The following PLXNA4 variants were observed in gnomAD, a reference collection of about 807,000 sequenced individuals.
The protein encoded by PLXNA4 is plexin-A4.
A neutral mutation model predicts 191.8 loss-of-function variants in PLXNA4; 44 were observed. That is an observed-to-expected ratio of 0.23 (90% CI 0.18 to 0.29). The LOEUF (loss-of-function observed/expected upper bound fraction) is 0.29. Ranked by LOEUF, PLXNA4 falls within the 10% of genes least tolerant of loss-of-function variation. The probability of loss-of-function intolerance (pLI) is 1.00; values close to 1 mark genes in which losing one functional copy is unlikely to be tolerated. For missense variants in PLXNA4, 1,800 were observed against 2,488.8 expected (o/e 0.72, Z 5.89); for synonymous variants, 1,082 against 1,009.5 (o/e 1.07, Z -1.36).
chr7:132,459,166 G>C (rs1220792688), intron 3 of PLXNA4, among the ~76,000 whole-genome samples: 2 of 152,278 alleles, frequency 1.3e-5, no homozygotes, highest in East Asian at 1.9e-4. Flanking sequence ...TGGACCCTTT[G>C]GGCTGCTGTC....
At chr7:132,384,296 C>A in intron 3 of PLXNA4, 1 of 985,460 alleles carries the variant, frequency 1.0e-6, no homozygotes, top group Non-Finnish European at 1.2e-6. Flanking sequence ...TAGCACCAGT[C>A]GCTAATTTTA....
intron 3 of PLXNA4, chr7:132,384,471 A>G: frequency 1.0e-6 from 1 of 985,774 alleles, no homozygotes. Context: ...GTGGCCATGC[A>G]GGAGACACTG....
intron 22 of PLXNA4, among the ~76,000 whole-genome samples, chr7:132,165,847 C>G (rs963678691): frequency 6.6e-6 from 1 of 152,136 alleles, no homozygotes; most frequent in Non-Finnish European, 1.5e-5. Flanking sequence ...GCTAAAGGCT[C>G]CCAGCATTCG....
At chr7:132,537,668 A>G (rs553105306) in intron 1 of PLXNA4, among the ~76,000 whole-genome samples, 16 of 152,322 alleles carry the variant, frequency 1.1e-4, no homozygotes, top group Admixed American at 9.8e-4. Context: ...ACTGTGCTGC[A>G]TGGAAGTGGG....
intron 4 of PLXNA4, among the ~76,000 whole-genome samples, chr7:132,254,356 A>C (rs1175467105): frequency 1.3e-5 from 2 of 152,200 alleles, no homozygotes; most frequent in African/African-American, 4.8e-5. Context: ...GGCCATTTCT[A>C]TCTATCATTA....
intron 3 of PLXNA4, among the ~76,000 whole-genome samples, chr7:132,402,388 G>A (rs144042200): frequency 2.0e-5 from 3 of 152,270 alleles, no homozygotes; most frequent in East Asian, 3.9e-4. Context: ...CCACCCTAGC[G>A]AGGCACAGGG....
intron 2 of PLXNA4, among the ~76,000 whole-genome samples, chr7:132,634,229 G>A (rs869320): frequency 0.39 from 58,857 of 151,902 alleles, 12,017 homozygotes; most frequent in African/African-American, 0.42. Flanking sequence ...TGAGGTTCCC[G>A]GGTAGAGGAT....
At chr7:132,257,876 G>T (rs577460410) in intron 4 of PLXNA4, among the ~76,000 whole-genome samples, 6 of 152,350 alleles carry the variant, frequency 3.9e-5, no homozygotes, top group Admixed American at 6.5e-5. Flanking sequence ...GGAATTGGAA[G>T]GGTCCCTCTC....
chr7:132,440,036 G>T (rs1321423412), intron 3 of PLXNA4, among the ~76,000 whole-genome samples: 1 of 151,628 alleles, frequency 6.6e-6, no homozygotes, highest in Middle Eastern at 3.2e-3. Flanking sequence ...GATCTGTGTG[G>T]GCTTGTGCCA....
chr7:132,281,163 G>C (rs1800464497), intron 4 of PLXNA4, among the ~76,000 whole-genome samples: 1 of 152,168 alleles, frequency 6.6e-6, no homozygotes, highest in African/African-American at 2.4e-5. Flanking sequence ...TTAGCACTTA[G>C]TGATACAAGG....
intron 3 of PLXNA4, among the ~76,000 whole-genome samples, chr7:132,336,604 G>A (rs752076553): frequency 3.3e-5 from 5 of 152,148 alleles, no homozygotes; most frequent in Non-Finnish European, 5.9e-5. Flanking sequence ...TGTGCTAGGT[G>A]CTTGGTTCCA....
chr7:132,320,317 G>A (rs1290488301), intron 3 of PLXNA4, among the ~76,000 whole-genome samples: 2 of 152,182 alleles, frequency 1.3e-5, no homozygotes, highest in Non-Finnish European at 2.9e-5. Flanking sequence ...AGTGCTTGCT[G>A]TTCCTTGGCT....
chr7:132,583,082 C>T (rs762581982), intron 2 of PLXNA4, among the ~76,000 whole-genome samples: 2 of 152,202 alleles, frequency 1.3e-5, no homozygotes, highest in African/African-American at 4.8e-5. Context: ...GATGGGCCAT[C>T]GTCAGTTCAG....
intron 2 of PLXNA4, among the ~76,000 whole-genome samples, chr7:132,599,078 A>C (rs1802769561): frequency 6.6e-6 from 1 of 152,140 alleles, no homozygotes; most frequent in African/African-American, 2.4e-5. Flanking sequence ...TTTGCTCCCT[A>C]TACTGACTCT....
intron 12 of PLXNA4, 62 bp downstream of exon 12, chr7:132,202,584 A>G: frequency 7.3e-7 from 1 of 1,368,748 alleles, no homozygotes; most frequent in Non-Finnish European, 9.5e-7. Flanking sequence ...GAGTTTCCAC[A>G]GGGTGTGGCA....
intron 3 of PLXNA4, chr7:132,484,832 G>A (rs1306137169): frequency 3.7e-6 from 6 of 1,613,950 alleles, no homozygotes; most frequent in East Asian, 2.2e-5. Context: ...AGAATTCCCA[G>A]GTACATTTAG....
chr7:132,176,620 G>GACTGCA (rs1489521165), intron 20 of PLXNA4, among the ~76,000 whole-genome samples: 1 of 83,912 alleles, frequency 1.2e-5, no homozygotes, highest in Non-Finnish European at 2.3e-5. Flanking sequence ...ATGACTGCAT[G>GACTGCA]TGTGTGTGTA....
At chr7:132,138,881 G>A (rs1795187710) in intron 30 of PLXNA4, among the ~76,000 whole-genome samples, 1 of 152,210 alleles carries the variant, frequency 6.6e-6, no homozygotes, top group African/African-American at 2.4e-5. Context: ...CTTTATAAAT[G>A]TTCCCAGCCC....
chr7:132,329,259 T>C (rs1802495059), intron 3 of PLXNA4, among the ~76,000 whole-genome samples: 1 of 152,178 alleles, frequency 6.6e-6, no homozygotes, highest in Non-Finnish European at 1.5e-5. Flanking sequence ...TGAATCCAGC[T>C]CCAGCCTTAC....
Sources: gnomAD v4.1 joint callset for allele counts (sites outside exome capture counted in the v4.1 genomes callset) on GRCh38, gnomAD v4.1.1 for gene constraint, MANE v1.5 for transcripts, NCBI Gene and HGNC (gene_info 2026-07-23, HGNC 2026-07-21) for gene names.